The following FAM118B variants were observed in gnomAD, a reference collection of about 807,000 sequenced individuals.
FAM118B encodes the protein SIR2 antiphage like 1.
FAM118B carries 24 observed loss-of-function variants against 38.5 expected under a neutral mutation model. The ratio of observed to expected loss-of-function variants is 0.62; its 90% CI spans 0.45 to 0.88. FAM118B has a LOEUF of 0.88. FAM118B is among the 40% of genes least tolerant of loss of function. The pLI, the probability that FAM118B is intolerant of heterozygous loss-of-function variation, is 0.00. For synonymous variants in FAM118B, 138 were observed against 156.3 expected (o/e 0.88, Z 0.87); for missense variants, 334 against 420.0 (o/e 0.80, Z 1.79).
intron 2 of FAM118B, among the ~76,000 whole-genome samples, chr11:126,230,751 C>T (rs1950198369): frequency 6.6e-6 from 1 of 152,180 alleles, no homozygotes; most frequent in South Asian, 2.1e-4. Flanking sequence ...ACAGGAGAAA[C>T]ATAGCTCAGA....
Position 126,262,221 on chromosome 11 carries a change from C to A in FAM118B, c.*88C>A. The A allele has an allele frequency of 1.4e-6, 2 of 1,421,710 alleles. No homozygotes were observed. Among genetic ancestry groups the A allele is most frequent in the Non-Finnish European group, 2.0e-6 (2 of 1,010,210 alleles). 88.1% of individuals were successfully genotyped at this position (1,421,710 alleles called of 1,614,324 possible). A position where few individuals can be genotyped will look rare whatever the true frequency, so the allele number is the denominator to read the frequency against. ...AACAAGTAAACTTACAAGAACCCAA[C>A]ACAATTCCCAGAAAGTAACAATAGC... is the stretch of plus-strand genomic sequence containing the variant. On this transcript the variant is annotated 3_prime_UTR_variant, in exon 9 of 9. Coordinates refer to ENST00000533050, the MANE Select transcript of FAM118B (RefSeq NM_024556.4).
chr11:126,244,998 TG>T lies in FAM118B; in HGVS notation c.339+3955del, dbSNP rs1950402546. 1 of 152,222 alleles carries T rather than the reference TG, an allele frequency of 6.6e-6. No homozygotes were observed. Among genetic ancestry groups the T allele is most frequent in the Admixed American group, 6.5e-5 (1 of 15,272 alleles). 9.4% of individuals were successfully genotyped at this position (152,222 alleles called of 1,614,324 possible). On this transcript the variant is annotated intron_variant, in intron 4 of 8. Coordinates refer to ENST00000533050, the MANE Select transcript of FAM118B (RefSeq NM_024556.4). The surrounding 1 kb of genome is among the most constrained non-coding windows in gnomAD (Gnocchi z 4.5). ...CCTATTAGGATCCAGCTGCTGATTTTGTAGAAATTGACAAACTGATTTAAAA... is the reference window on the plus strand; with the variant it reads ...CCTATTAGGATCCAGCTGCTGATTTTTAGAAATTGACAAACTGATTTAAAA...
In FAM118B at chr11:126,226,566, C is replaced by T. The variant is rs537920219; in HGVS notation, c.-76-2659C>T. 3.3e-5 allele frequency among the ~76,000 whole-genome samples: 5 copies of T among 152,378 alleles called. No individual in the cohort carries two copies. The East Asian group carries it at 5.8e-4, about 18-fold the overall frequency. On this transcript the variant is annotated intron_variant, in intron 1 of 8. Transcript: ENST00000533050. ...AACAGGCCTTTTCTCTCCTTCCCCC[C>T]GGCAGGGCTGCATATAGATCACCCC... is the stretch of plus-strand genomic sequence containing the variant.
chr11:126,214,513 T>G (rs1304829948), intron 1 of FAM118B: 11 of 44,590 alleles, frequency 2.5e-4, no homozygotes, highest in Admixed American at 7.3e-4. Flanking sequence ...GTTTTTTTTT[T>G]GTTTTTTTTT....
intron 4 of FAM118B, 86 bp downstream of exon 4, chr11:126,241,130 C>T (rs1950351928): frequency 7.4e-7 from 1 of 1,354,000 alleles, no homozygotes; most frequent in Non-Finnish European, 1.0e-6. Context: ...TCAAAACTAG[C>T]ATGCCAAATG....
chr11:126,254,461 A>G, intron 6 of FAM118B, 28 bp downstream of exon 6: 1 of 1,611,934 alleles, frequency 6.2e-7, no homozygotes, highest in South Asian at 1.1e-5. Flanking sequence ...TGCTGGTCTC[A>G]GGAACTCCTT....
intron 1 of FAM118B, among the ~76,000 whole-genome samples, chr11:126,218,676 G>GT (rs1489617713): frequency 1.3e-5 from 2 of 152,064 alleles, no homozygotes; most frequent in Non-Finnish European, 2.9e-5. Flanking sequence ...TTTCTGTTTT[G>GT]TTTTTTGTTA....
chr11:126,250,443 A>G lies in FAM118B; in HGVS notation c.340-63A>G. 8.6e-7 allele frequency: 1 copy of G among 1,162,120 alleles called. No homozygotes were observed. The highest frequency in any genetic ancestry group is 1.3e-5 in the South Asian group (1 of 74,874). The allele number at this position is 1,162,120 out of a possible 1,614,324, so 72.0% of individuals were successfully genotyped here. ...TCTTCCAAAATTTGTTACTGCTGTA[A>G]CTAAAACAACTGACCTACCAAAGCA... On this transcript the variant is annotated intron_variant, in intron 4 of 8. Coordinates refer to ENST00000533050, the MANE Select transcript of FAM118B (RefSeq NM_024556.4). The surrounding 1 kb of genome is among the most constrained non-coding windows in gnomAD (Gnocchi z 5.1).
intron 2 of FAM118B, among the ~76,000 whole-genome samples, chr11:126,232,345 G>C (rs1950217154): frequency 6.6e-6 from 1 of 152,080 alleles, no homozygotes; most frequent in South Asian, 2.1e-4. Flanking sequence ...ATCTTTCTGT[G>C]CCTCAGTTTT....
In FAM118B at chr11:126,256,883, A is replaced by T; in HGVS notation, c.982+31A>T. 2 of 1,577,314 alleles carry T rather than the reference A, an allele frequency of 1.3e-6. No homozygotes were observed. The highest frequency in any genetic ancestry group is 1.8e-5 in the Admixed American group (1 of 55,866). On this transcript the variant is annotated intron_variant, in intron 7 of 8. Coordinates refer to ENST00000533050, the MANE Select transcript of FAM118B (RefSeq NM_024556.4). The surrounding 1 kb of genome is among the most constrained non-coding windows in gnomAD (Gnocchi z 6.6). ...ATGCATTTTGAAGCTGAGGGGAATCAGAGAACAACAGCTCTTCAGCCTTTT... is the reference window on the plus strand; with the variant it reads ...ATGCATTTTGAAGCTGAGGGGAATCTGAGAACAACAGCTCTTCAGCCTTTT...
chr11:126,225,806 C>G (rs141650208), intron 1 of FAM118B, among the ~76,000 whole-genome samples: 34 of 152,170 alleles, frequency 2.2e-4, no homozygotes, highest in African/African-American at 7.7e-4. Context: ...ATGGTGGAAC[C>G]CTGTCTTTAC....
chr11:126,261,980 A>G (rs1591534532), intron 8 of FAM118B, 140 bp from the exon 9 acceptor site: 2 of 824,328 alleles, frequency 2.4e-6, no homozygotes, highest in East Asian at 5.4e-5. Flanking sequence ...AGTAAATAAA[A>G]TTTTAAATAA....
At chr11:126,230,691 G>A (rs1950197674) in intron 2 of FAM118B, among the ~76,000 whole-genome samples, 1 of 152,150 alleles carries the variant, frequency 6.6e-6, no homozygotes, top group Non-Finnish European at 1.5e-5. Context: ...ATCACTCTGA[G>A]CTCCTTCTGG....
chr11:126,222,678 T>A (rs1950079644), intron 1 of FAM118B, among the ~76,000 whole-genome samples: 1 of 152,212 alleles, frequency 6.6e-6, no homozygotes, highest in Admixed American at 6.5e-5. Context: ...TACTACAACC[T>A]TCCCAAATTC....
chr11:126,228,383 A>G (rs1486110134), intron 1 of FAM118B, among the ~76,000 whole-genome samples: 3 of 151,654 alleles, frequency 2.0e-5, no homozygotes, highest in Admixed American at 6.6e-5. Flanking sequence ...TATTTTTGGT[A>G]GAGATGGGGT....
At position 126,229,269 on chromosome 11, in the gene FAM118B, GA is replaced by G. The variant is rs1179281514; in HGVS notation, c.-29del. On this transcript the variant is annotated 5_prime_UTR_variant, in exon 2 of 9. Coordinates refer to ENST00000533050, the MANE Select transcript of FAM118B (RefSeq NM_024556.4). Reference sequence around the variant, plus strand: ...TGCACAGGAGGAAAGCAGTGACAAAGAAAGAAGTTGTCATTCTTTGCACGGT... The same window carrying G: ...TGCACAGGAGGAAAGCAGTGACAAAGAAGAAGTTGTCATTCTTTGCACGGT... The G allele has an allele frequency of 1.3e-5, 2 of 152,252 alleles. No individual in the cohort carries two copies. The highest frequency in any genetic ancestry group is 1.5e-5 in the Non-Finnish European group (1 of 68,000). 9.4% of individuals were successfully genotyped at this position (152,252 alleles called of 1,614,324 possible). A position where few individuals can be genotyped will look rare whatever the true frequency, so the allele number is the denominator to read the frequency against.
intron 4 of FAM118B, among the ~76,000 whole-genome samples, chr11:126,242,232 T>TA (rs945644059): frequency 3.3e-5 from 5 of 150,734 alleles, no homozygotes; most frequent in African/African-American, 4.9e-5. Flanking sequence ...AAAACTAAAG[T>TA]AAAAAAAAAT....
In FAM118B at chr11:126,228,944, G is replaced by T. The variant is rs1049053216; in HGVS notation, c.-76-281G>T. 2.0e-5 allele frequency among the ~76,000 whole-genome samples: 3 copies of T among 152,164 alleles called. No homozygotes were observed. In the South Asian group the frequency reaches 6.2e-4, roughly 31 times the overall value. On this transcript the variant is annotated intron_variant, in intron 1 of 8. Transcript: ENST00000533050. ...GACTTGGAAGAATCTGCATTTGTAC[G>T]CAGTATGTTGTGTTTACTCTGTTGA...
chr11:126,213,239 C>T (rs1004429470), intron 1 of FAM118B, among the ~76,000 whole-genome samples: 1 of 151,964 alleles, frequency 6.6e-6, no homozygotes, highest in Non-Finnish European at 1.5e-5. Context: ...TTTGAATTGT[C>T]TTATTTCTGT....
Sources: allele counts gnomAD v4.1 joint callset (sites outside exome capture counted in the v4.1 genomes callset), GRCh38; gene constraint gnomAD v4.1.1; non-coding constraint Gnocchi (gnomAD v3.1); transcripts MANE v1.5; gene names NCBI Gene and HGNC (gene_info 2026-07-23, HGNC 2026-07-21).